LRRTM4: variants seen among roughly 807,000 people sequenced by gnomAD.
LRRTM4 encodes the protein leucine-rich repeat transmembrane neuronal protein 4.
In LRRTM4, 25 loss-of-function variants were observed where a neutral mutation model predicts 47.6. That is an observed-to-expected ratio of 0.53 (90% CI 0.38 to 0.73). The LOEUF (loss-of-function observed/expected upper bound fraction) is 0.73, where lower values mean the gene tolerates loss of function less well. Among genes scored for constraint, LRRTM4 ranks in the 30% least tolerant of loss-of-function variants. The probability of loss-of-function intolerance (pLI) is 0.00; values close to 1 mark genes in which losing one functional copy is unlikely to be tolerated. For missense variants in LRRTM4, 638 were observed against 713.4 expected, an observed-to-expected ratio of 0.89 and a Z score of 1.20; for synonymous variants, 311 against 269.5, an observed-to-expected ratio of 1.15 and a Z score of -1.51.
At chr2:77,393,542 CTT>C (rs1169472824) in intron 3 of LRRTM4, among the ~76,000 whole-genome samples, 1 of 151,974 alleles carries the variant, frequency 6.6e-6, no homozygotes, top group Non-Finnish European at 1.5e-5. Flanking sequence ...CCACCTAAGA[CTT>C]TACATTATTT....
chr2:77,494,401 G>T (rs1678283132), intron 3 of LRRTM4, among the ~76,000 whole-genome samples: 1 of 151,920 alleles, frequency 6.6e-6, no homozygotes, highest in Non-Finnish European at 1.5e-5. Context: ...TCTTCTCCAC[G>T]ATGGTGGATA....
At chr2:77,471,929 C>T (rs776276013) in intron 3 of LRRTM4, among the ~76,000 whole-genome samples, 31 of 152,108 alleles carry the variant, frequency 2.0e-4, no homozygotes, top group Middle Eastern at 3.2e-3. Context: ...CTGAAGTGCA[C>T]TTGTAACCCC....
At chr2:77,460,653 G>A (rs1010216950) in intron 3 of LRRTM4, among the ~76,000 whole-genome samples, 1 of 152,020 alleles carries the variant, frequency 6.6e-6, no homozygotes, top group Admixed American at 6.6e-5. Flanking sequence ...TTTTGAAATG[G>A]TGCATTCTCT....
chr2:76,937,205 A>C (rs142085361), intron 3 of LRRTM4, among the ~76,000 whole-genome samples: 67 of 152,192 alleles, frequency 4.4e-4, no homozygotes, highest in African/African-American at 1.6e-3. Context: ...TTGTTTATGG[A>C]CCAAAATTTA....
rs71656252 is a variant in LRRTM4 at position 77,351,614 on chromosome 2, T to TTATATATA, written c.1551+166696_1551+166703dup. On this transcript the variant is annotated intron_variant, in intron 3 of 3. Coordinates refer to ENST00000409884, the MANE Select transcript of LRRTM4 (RefSeq NM_001134745.3). Reference sequence around the variant, plus strand: ...ATGCTTTTGTGAAACCATGACAAATTTATATATATATATATATATATATAT... The same window carrying TTATATATA: ...ATGCTTTTGTGAAACCATGACAAATTTATATATATATATATATATATATATATATATAT... Among the ~76,000 whole-genome samples the TTATATATA allele has an allele frequency of 3.4e-3, 455 of 135,386 alleles. 6 individuals carry two copies. Among genetic ancestry groups the TTATATATA allele is most frequent in the African/African-American group, 9.1e-3 (326 of 35,652 alleles). 88.8% of individuals were successfully genotyped at this position (135,386 alleles called of 152,430 possible). A position where few individuals can be genotyped will look rare whatever the true frequency, so the allele number is the denominator to read the frequency against.
At position 77,232,544 on chromosome 2, in the gene LRRTM4, G is replaced by A. The variant is rs150890924; in HGVS notation, c.1551+285774C>T. On this transcript the variant is annotated intron_variant, in intron 3 of 3. Transcript: ENST00000409884. ...ATGAAGTCCAGGTCCTTCTTCCACA[G>A]GCACCTAAGTCTGAATGTTTAGACA... 1.6e-3 allele frequency among the ~76,000 whole-genome samples: 239 copies of A among 152,224 alleles called. 1 individual carries two copies. The highest frequency in any genetic ancestry group is 5.5e-3 in the African/African-American group (229 of 41,544).
chr2:77,229,584 C>A (rs535237431), intron 3 of LRRTM4, among the ~76,000 whole-genome samples: 1 of 152,228 alleles, frequency 6.6e-6, no homozygotes, highest in South Asian at 2.1e-4. Flanking sequence ...TTCTCTAACA[C>A]CCCACATTTA....
At chr2:77,278,621 T>A (rs2104092880) in intron 3 of LRRTM4, among the ~76,000 whole-genome samples, 1 of 152,076 alleles carries the variant, frequency 6.6e-6, no homozygotes, top group East Asian at 1.9e-4. Flanking sequence ...AAAATGTGAC[T>A]TTCAAGGCAT....
intron 3 of LRRTM4, among the ~76,000 whole-genome samples, chr2:77,487,663 A>G (rs951386524): frequency 3.3e-5 from 5 of 152,008 alleles, no homozygotes; most frequent in African/African-American, 1.2e-4. Flanking sequence ...TCAGGCCACC[A>G]AAGGCCGAAG....
At position 76,883,810 on chromosome 2, in the gene LRRTM4, T is replaced by C. The variant is rs1017782883; in HGVS notation, c.1552-134894A>G. On this transcript the variant is annotated intron_variant, in intron 3 of 3. Transcript: ENST00000409884. The stretch of plus-strand genomic sequence containing the variant: ...CAGACAAGTGCTAAATGATTGTGAA[T>C]TGACTGGGAGAAAGGTCTTTTATAC... Among the ~76,000 whole-genome samples the C allele has an allele frequency of 3.9e-5, 6 of 152,162 alleles. No individual in the cohort carries two copies. The South Asian group carries it at 6.2e-4, about 16-fold the overall frequency.
In LRRTM4 at chr2:77,043,240, T is replaced by G. The variant is rs138028793; in HGVS notation, c.1552-294324A>C. Among the ~76,000 whole-genome samples, 990 of 151,942 alleles carry G rather than the reference T, an allele frequency of 6.5e-3. 13 individuals carry two copies. The highest frequency in any genetic ancestry group is 0.022 in the African/African-American group (919 of 41,506). On this transcript the variant is annotated intron_variant, in intron 3 of 3. Transcript: ENST00000409884. The stretch of plus-strand genomic sequence containing the variant: ...TTTTGATTGCAGGTCAGAAGTTGCC[T>G]CTAGTCTACCCATTCAAGTTTGGAG...
At chr2:76,812,673 C>CTCTTTCTTTCTTCCTTTCTT (rs1670767804) in intron 3 of LRRTM4, among the ~76,000 whole-genome samples, 2 of 147,818 alleles carry the variant, frequency 1.4e-5, no homozygotes, top group African/African-American at 5.0e-5. Flanking sequence ...TACAAATAAG[C>CTCTTTCTTTCTTCCTTTCTT]TCTTTCTTTC....
chr2:77,081,084 T>C (rs1680514345), intron 3 of LRRTM4, among the ~76,000 whole-genome samples: 1 of 152,144 alleles, frequency 6.6e-6, no homozygotes, highest in Non-Finnish European at 1.5e-5. Flanking sequence ...CTTTCTCTAG[T>C]CTTTTCAGTT....
chr2:77,348,926 C>T (rs952730702), intron 3 of LRRTM4, among the ~76,000 whole-genome samples: 10 of 151,850 alleles, frequency 6.6e-5, no homozygotes, highest in South Asian at 2.1e-4. Flanking sequence ...TAAAGTATAG[C>T]AGCCACTTAT....
intron 3 of LRRTM4, among the ~76,000 whole-genome samples, chr2:77,001,154 T>C (rs1677411999): frequency 6.6e-6 from 1 of 152,192 alleles, no homozygotes; most frequent in African/African-American, 2.4e-5. Flanking sequence ...CTTTTAGGGC[T>C]GTAGTAGCTG....
rs933682762 is a variant in LRRTM4, at chr2:77,361,199, T to C, written c.1551+157119A>G. Reference sequence around the variant, plus strand: ...CTCAATTCTCATGTGTTTCACCCACTCACTTCTCTTAGCACATGATCTCTC... The same window carrying C: ...CTCAATTCTCATGTGTTTCACCCACCCACTTCTCTTAGCACATGATCTCTC... On this transcript the variant is annotated intron_variant, in intron 3 of 3. Coordinates refer to ENST00000409884, the MANE Select transcript of LRRTM4 (RefSeq NM_001134745.3). Among the ~76,000 whole-genome samples, 3 of 151,752 alleles carry C rather than the reference T, an allele frequency of 2.0e-5. No individual in the cohort carries two copies. The East Asian group carries it at 5.8e-4, about 30-fold the overall frequency.
intron 3 of LRRTM4, among the ~76,000 whole-genome samples, chr2:76,833,332 C>A (rs1573184177): frequency 6.6e-6 from 1 of 152,078 alleles, no homozygotes; most frequent in African/African-American, 2.4e-5. Flanking sequence ...CATTTGTCCT[C>A]CAACTTTGTA....
At chr2:77,238,485 T>C (rs1362385400) in intron 3 of LRRTM4, among the ~76,000 whole-genome samples, 1 of 151,878 alleles carries the variant, frequency 6.6e-6, no homozygotes, top group Non-Finnish European at 1.5e-5. Flanking sequence ...AAATGAGGAT[T>C]AGAAAAACAG....
intron 3 of LRRTM4, among the ~76,000 whole-genome samples, chr2:77,218,378 T>C (rs1412559173): frequency 6.6e-6 from 1 of 152,116 alleles, no homozygotes; most frequent in African/African-American, 2.4e-5. Context: ...TTCAGACTTT[T>C]TTTATCTTTG....
Sources: gnomAD v4.1 joint callset for allele counts (sites outside exome capture counted in the v4.1 genomes callset) on GRCh38, gnomAD v4.1.1 for gene constraint, MANE v1.5 for transcripts, NCBI Gene and HGNC (gene_info 2026-07-23, HGNC 2026-07-21) for gene names.